The following B4GALT7 variants were observed in gnomAD, a reference collection of about 807,000 sequenced individuals.
The protein encoded by B4GALT7 is beta-1,4-galactosyltransferase 7.
In B4GALT7, 30 loss-of-function variants were observed where a neutral mutation model predicts 33.0. The ratio of observed to expected loss-of-function variants is 0.91; its 90% CI spans 0.68 to 1.23. B4GALT7 has a LOEUF of 1.23. B4GALT7 is among the 50% of genes most tolerant of loss of function. The probability of loss-of-function intolerance (pLI) is 0.00; values close to 1 mark genes in which losing one functional copy is unlikely to be tolerated. For missense variants in B4GALT7, 507 were observed against 450.8 expected (o/e 1.12, Z -1.13); for synonymous variants, 213 against 187.2 (o/e 1.14, Z -1.13).
chr5:177,609,030 C>T lies in B4GALT7; in HGVS notation c.828+16C>T, dbSNP rs773922043. The T allele has an allele frequency of 2.5e-6, 4 of 1,604,228 alleles. No homozygotes were observed. The highest frequency in any genetic ancestry group is 3.4e-6 in the Non-Finnish European group (4 of 1,175,992). On this transcript the variant is annotated intron_variant, in intron 5 of 5. Coordinates refer to ENST00000029410, the MANE Select transcript of B4GALT7 (RefSeq NM_007255.3). The stretch of plus-strand genomic sequence containing the variant: ...TCAAAAACAGGTGCTGGCAGGGCTC[C>T]TCATTGGGGACAGATAGGTGGTCAT...
intron 5 of B4GALT7, 72 bp downstream of exon 5, chr5:177,609,086 A>C (rs1768103305): frequency 1.4e-6 from 2 of 1,392,948 alleles, no homozygotes; most frequent in African/African-American, 2.8e-5. Flanking sequence ...GGCTTTCACC[A>C]AGTTCTCCTT....
chr5:177,609,218 C>T (rs537091971), intron 5 of B4GALT7, among the ~76,000 whole-genome samples: 49 of 152,082 alleles, frequency 3.2e-4, no homozygotes, highest in Non-Finnish European at 6.2e-4. Context: ...TCAGCCCAGA[C>T]CTCAGGGTCC....
In B4GALT7 at chr5:177,608,472, G is replaced by C; in HGVS notation, c.640-67G>C. ...CTGGGGGAGAGGGGCACTCCCGAGC[G>C]GTAGGAGACCAAAGGCCCCCCCCCC... On this transcript the variant is annotated intron_variant, in intron 3 of 5. Coordinates refer to ENST00000029410, the MANE Select transcript of B4GALT7 (RefSeq NM_007255.3). The surrounding 1 kb of genome is among the most constrained non-coding windows in gnomAD (Gnocchi z 4.1). 3 of 1,442,884 alleles carry C rather than the reference G, an allele frequency of 2.1e-6. No individual in the cohort carries two copies. The highest frequency in any genetic ancestry group is 9.7e-7 in the Non-Finnish European group (1 of 1,027,416). 89.4% of individuals were successfully genotyped at this position (1,442,884 alleles called of 1,614,324 possible).
intron 1 of B4GALT7, among the ~76,000 whole-genome samples, chr5:177,603,899 A>C (rs1258098139): frequency 2.0e-5 from 3 of 152,080 alleles, no homozygotes; most frequent in Non-Finnish European, 2.9e-5. Flanking sequence ...CAGTCACAGA[A>C]AGTAAGAGAG....
In B4GALT7 at chr5:177,609,834, C is replaced by G; in HGVS notation, c.*139C>G. 1 of 1,218,856 alleles carries G rather than the reference C, an allele frequency of 8.2e-7. No individual in the cohort carries two copies. The highest frequency in any genetic ancestry group is 2.7e-4 in the Middle Eastern group (1 of 3,710). The allele number at this position is 1,218,856 out of a possible 1,614,324, so 75.5% of individuals were successfully genotyped here. On this transcript the variant is annotated 3_prime_UTR_variant, in exon 6 of 6. Coordinates refer to ENST00000029410, the MANE Select transcript of B4GALT7 (RefSeq NM_007255.3). ...CAGCAAGCTACGCAATTGCAGCCACCCGGCCGCCAAGGCAGGCTTGGGCTG... is the reference window on the plus strand; with the variant it reads ...CAGCAAGCTACGCAATTGCAGCCACGCGGCCGCCAAGGCAGGCTTGGGCTG...
chr5:177,603,173 G>A (rs1268012338), intron 1 of B4GALT7: 19 of 984,268 alleles, frequency 1.9e-5, no homozygotes, highest in Middle Eastern at 5.2e-4. Flanking sequence ...GAGCCACCAC[G>A]CCTGGCCAGG....
rs779668675 is a variant in B4GALT7, at chr5:177,608,979, A to C, written c.793A>C (p.Lys265Gln). 6.2e-7 allele frequency: 1 copy of C among 1,613,162 alleles called. No homozygotes were observed. Among genetic ancestry groups the C allele is most frequent in the South Asian group, 1.1e-5 (1 of 91,086 alleles). ...FRHLHDPAWR[K>Q]RDQKRIAAQK... is the part of the protein sequence containing the mutation. Reference sequence around the variant, plus strand: ...CCACCTGCATGACCCAGCCTGGCGGAAGAGGGACCAGAAGCGCATCGCAGC... The same window carrying C: ...CCACCTGCATGACCCAGCCTGGCGGCAGAGGGACCAGAAGCGCATCGCAGC... Residue 265 changes from lysine (K) to glutamine (Q), a missense_variant, in exon 5 of 6, where the codon AAG (lysine) becomes CAG (glutamine). Coordinates refer to ENST00000029410, the MANE Select transcript of B4GALT7 (RefSeq NM_007255.3). This position sits in a 1 kb window ranked among gnomAD's most constrained non-coding sequence, Gnocchi z 4.1.
intron 1 of B4GALT7, 111 bp from the exon 2 acceptor site, chr5:177,604,068 G>A: frequency 6.8e-7 from 1 of 1,476,080 alleles, no homozygotes; most frequent in South Asian, 1.1e-5. Flanking sequence ...ATTCCCAGGT[G>A]CTTGGGGTAG....
chr5:177,603,931 CTG>C (rs771160166), intron 1 of B4GALT7: 5 of 563,650 alleles, frequency 8.9e-6, no homozygotes, highest in Admixed American at 6.1e-5. Context: ...CGGGGCAGCT[CTG>C]TGAACTGGGA....
intron 2 of B4GALT7, chr5:177,604,935 T>G: frequency 2.2e-6 from 1 of 461,900 alleles, no homozygotes; most frequent in Non-Finnish European, 4.3e-6. Context: ...GCTTTAAAGT[T>G]GCCCACAGTC....
In B4GALT7 at chr5:177,604,466, C is replaced by T; in HGVS notation, c.338C>T (p.Pro113Leu). Residue 113 changes from proline to leucine, a missense_variant, in exon 2 of 6, where the codon CCC becomes CTC. By Grantham distance (98) the Pro-to-Leu change is moderately conservative. Transcript: ENST00000029410. Reference protein sequence around the residue: ...ERFEELLVFVPHMRRFLSRKK... With the variant: ...ERFEELLVFVLHMRRFLSRKK... ...TTCGAGGAGCTCCTGGTCTTCGTGC[C>T]CCACATGCGCCGCTTCCTGAGCAGG... 1 of 1,614,026 alleles carries T rather than the reference C, an allele frequency of 6.2e-7. No homozygotes were observed. The highest frequency in any genetic ancestry group is 8.5e-7 in the Non-Finnish European group (1 of 1,179,960).
chr5:177,600,317 C>A lies in B4GALT7; in HGVS notation c.50+57C>A. ...CTCCCGGGCGCCGCTCCCTTCTCGGCCGCCGGCGGAATCTGGGAACCCGAG... is the reference window on the plus strand; with the variant it reads ...CTCCCGGGCGCCGCTCCCTTCTCGGACGCCGGCGGAATCTGGGAACCCGAG... On this transcript the variant is annotated intron_variant, in intron 1 of 5. Transcript: ENST00000029410. This position sits in a 1 kb window ranked among gnomAD's most constrained non-coding sequence, Gnocchi z 4.4. 1 of 1,266,592 alleles carries A rather than the reference C, an allele frequency of 7.9e-7. No homozygotes were observed. The highest frequency in any genetic ancestry group is 1.0e-6 in the Non-Finnish European group (1 of 996,058). The allele number at this position is 1,266,592 out of a possible 1,614,324, so 78.5% of individuals were successfully genotyped here. A position where few individuals can be genotyped will look rare whatever the true frequency, so the allele number is the denominator to read the frequency against.
In B4GALT7 at chr5:177,608,561, T is replaced by C. The variant is rs1468472910; in HGVS notation, c.662T>C (p.Phe221Ser). 1 of 1,613,700 alleles carries C rather than the reference T, an allele frequency of 6.2e-7. No individual in the cohort carries two copies. Among genetic ancestry groups the C allele is most frequent in the Non-Finnish European group, 8.5e-7 (1 of 1,179,988 alleles). ...YRLCNGMSNR[F>S]WGWGREDDEF... is the part of the protein sequence containing the mutation. ...CAGTGCAATGGGATGTCCAACCGCT[T>C]CTGGGGCTGGGGCCGCGAGGACGAC... is the stretch of plus-strand genomic sequence containing the variant. The change falls in exon 4 of 6, where the codon TTC becomes TCC. Residue 221 changes from phenylalanine (F) to serine (S), a missense_variant. Physicochemically the swap from Phe to Ser is radical, Grantham distance 155. Transcript: ENST00000029410. The surrounding 1 kb of genome is among the most constrained non-coding windows in gnomAD (Gnocchi z 4.1).
intron 2 of B4GALT7, 172 bp from the exon 3 acceptor site, chr5:177,607,130 T>C (rs957564570): frequency 1.5e-6 from 1 of 680,268 alleles, no homozygotes; most frequent in Non-Finnish European, 2.7e-6. Flanking sequence ...TTCTGGCACA[T>C]AGTGGGTGCT....
In B4GALT7 at chr5:177,608,883, G is replaced by C; in HGVS notation, c.724-27G>C. On this transcript the variant is annotated intron_variant, in intron 4 of 5. Transcript: ENST00000029410. The surrounding 1 kb of genome is among the most constrained non-coding windows in gnomAD (Gnocchi z 4.1). The stretch of plus-strand genomic sequence containing the variant: ...GCTGGGGCTCCAGGAAGGGCAGCCT[G>C]ACCCCGACTTCCTTGGACCTCCCTA... The C allele has an allele frequency of 6.3e-7, 1 of 1,596,122 alleles. No homozygotes were observed. The highest frequency in any genetic ancestry group is 8.6e-7 in the Non-Finnish European group (1 of 1,164,844).
At chr5:177,607,943 T>C (rs897251802) in intron 3 of B4GALT7, 22 of 294,202 alleles carry the variant, frequency 7.5e-5, no homozygotes, top group African/African-American at 4.8e-4. Flanking sequence ...GCCCTTCCCT[T>C]GTAGCTCAGG....
intron 1 of B4GALT7, chr5:177,603,083 A>C (rs1420790450): frequency 3.4e-5 from 15 of 447,370 alleles, no homozygotes; most frequent in Non-Finnish European, 4.4e-5. Flanking sequence ...GGGTGTTACC[A>C]TATTTGCCAG....
In B4GALT7 at chr5:177,608,663, G is replaced by A. The variant is rs1270356771; in HGVS notation, c.723+41G>A. On this transcript the variant is annotated intron_variant, in intron 4 of 5. Transcript: ENST00000029410. This position sits in a 1 kb window ranked among gnomAD's most constrained non-coding sequence, Gnocchi z 4.1. ...CCCCGCCGCCACCTCAGCTGCGGTG[G>A]CTGCCCTGAGATTTTCTTCTGTTTC... The A allele has an allele frequency of 6.4e-7, 1 of 1,568,592 alleles. No individual in the cohort carries two copies. Among genetic ancestry groups the A allele is most frequent in the East Asian group, 2.2e-5 (1 of 44,638 alleles).
rs761859872 is a variant in B4GALT7, at chr5:177,604,310, T to C, written c.182T>C (p.Val61Ala). 3 of 1,611,146 alleles carry C rather than the reference T, an allele frequency of 1.9e-6. 1 individual carries two copies. Among genetic ancestry groups the C allele is most frequent in the Middle Eastern group, 3.3e-4 (2 of 6,050 alleles). The change falls in exon 2 of 6, where the codon GTC becomes GCC. Residue 61 changes from valine (V) to alanine (A), a missense_variant. Val to Ala is a moderately conservative substitution (Grantham distance 64). Coordinates refer to ENST00000029410, the MANE Select transcript of B4GALT7 (RefSeq NM_007255.3). Reference protein sequence around the residue: ...LSCSGDVARAVRGQGQETSGP... With the variant: ...LSCSGDVARAARGQGQETSGP... Reference sequence around the variant, plus strand: ...TGCTCTGGGGACGTGGCCCGGGCAGTCAGGGGACAAGGGCAGGAGACCTCG... The same window carrying C: ...TGCTCTGGGGACGTGGCCCGGGCAGCCAGGGGACAAGGGCAGGAGACCTCG...
Sources: gnomAD v4.1 joint callset for allele counts (sites outside exome capture counted in the v4.1 genomes callset) on GRCh38, gnomAD v4.1.1 for gene constraint, Gnocchi (gnomAD v3.1) non-coding constraint, MANE v1.5 for transcripts, NCBI Gene and HGNC (gene_info 2026-07-23, HGNC 2026-07-21) for gene names.